The following PCNX1 variants were observed in gnomAD, a reference collection of about 807,000 sequenced individuals.
PCNX1 encodes pecanex-like protein 1.
A neutral mutation model predicts 242.2 loss-of-function variants in PCNX1; 78 were observed. The observed-to-expected ratio is 0.32, with a 90% CI of 0.27 to 0.39. The LOEUF (loss-of-function observed/expected upper bound fraction) is 0.39, where lower values mean the gene tolerates loss of function less well. Among genes scored for constraint, PCNX1 ranks in the 10% least tolerant of loss-of-function variants. The pLI, the probability that PCNX1 is intolerant of heterozygous loss-of-function variation, is 1.00. For missense variants in PCNX1, 2,581 were observed against 2,856.5 expected (o/e 0.90, Z 2.20); for synonymous variants, 1,024 against 1,032.9 (o/e 0.99, Z 0.17).
intron 14 of PCNX1, 67 bp from the exon 15 acceptor site, chr14:71,026,705 C>A (rs564292389): frequency 1.5e-4 from 95 of 639,900 alleles, no homozygotes; most frequent in Non-Finnish European, 2.3e-4. Flanking sequence ...AAAATTATGA[C>A]CTCTCAGTGG....
chr14:71,052,329 T>G (rs2141190638), intron 24 of PCNX1, among the ~76,000 whole-genome samples: 1 of 152,100 alleles, frequency 6.6e-6, no homozygotes, highest in East Asian at 1.9e-4. Flanking sequence ...TCCTCCTGCC[T>G]CAGCCTCCTG....
intron 3 of PCNX1, 68 bp from the exon 4 acceptor site, chr14:70,968,130 T>C (rs549111793): frequency 6.9e-6 from 7 of 1,021,548 alleles, no homozygotes; most frequent in Admixed American, 1.8e-5. Flanking sequence ...ATAATCTTGC[T>C]AGTGTGTATT....
At chr14:71,044,945 C>T (rs1043565138) in intron 19 of PCNX1, among the ~76,000 whole-genome samples, 188 bp from the exon 20 acceptor site, 1 of 152,188 alleles carries the variant, frequency 6.6e-6, no homozygotes, top group Non-Finnish European at 1.5e-5. Flanking sequence ...TGAATAGTCA[C>T]TAACTTTCAA....
intron 8 of PCNX1, among the ~76,000 whole-genome samples, chr14:71,008,077 CA>C (rs1004332021): frequency 1.3e-5 from 2 of 149,128 alleles, no homozygotes; most frequent in African/African-American, 2.5e-5. Flanking sequence ...TATTATTCGA[CA>C]AAAAAAAATG....
intron 2 of PCNX1, among the ~76,000 whole-genome samples, chr14:70,955,601 A>G (rs576996965): frequency 3.3e-5 from 5 of 152,312 alleles, no homozygotes; most frequent in South Asian, 4.1e-4. Context: ...AAGTTAAGGC[A>G]TAAAGGTAGA....
intron 6 of PCNX1, among the ~76,000 whole-genome samples, chr14:70,982,655 C>A (rs559144685): frequency 7.9e-5 from 12 of 152,262 alleles, no homozygotes; most frequent in African/African-American, 2.6e-4. Context: ...AAATTATCTT[C>A]CTTTACAACA....
At chr14:71,053,529 G>GTT (rs2061098843) in intron 24 of PCNX1, 1 of 310,544 alleles carries the variant, frequency 3.2e-6, no homozygotes, top group Non-Finnish European at 6.3e-6. Flanking sequence ...TGTTGACCAG[G>GTT]CTGGTCTTGA....
chr14:70,967,840 C>T (rs894713084), intron 3 of PCNX1, among the ~76,000 whole-genome samples: 1 of 152,050 alleles, frequency 6.6e-6, no homozygotes, highest in African/African-American at 2.4e-5. Flanking sequence ...AGACATAAAG[C>T]CTGGTTTTGC....
chr14:71,102,458 G>T (rs2141833498), intron 31 of PCNX1, among the ~76,000 whole-genome samples: 1 of 152,022 alleles, frequency 6.6e-6, no homozygotes, highest in East Asian at 1.9e-4. Context: ...TAGAGACAGG[G>T]TTTTGCAATG....
intron 30 of PCNX1, among the ~76,000 whole-genome samples, chr14:71,092,121 C>T (rs934928261): frequency 1.3e-5 from 2 of 152,108 alleles, no homozygotes; most frequent in South Asian, 4.1e-4. Context: ...TGATATGTGC[C>T]GTAGATTGAG....
intron 12 of PCNX1, among the ~76,000 whole-genome samples, chr14:71,022,356 T>C (rs2060126900): frequency 6.6e-6 from 1 of 152,156 alleles, no homozygotes; most frequent in Non-Finnish European, 1.5e-5. Context: ...TGACAGATTT[T>C]TGCAACTAGT....
intron 26 of PCNX1, among the ~76,000 whole-genome samples, chr14:71,068,446 G>C (rs2061505095): frequency 6.7e-6 from 1 of 148,462 alleles, no homozygotes; most frequent in Non-Finnish European, 1.5e-5. Context: ...GTATGTATAT[G>C]TATATATGTG....
intron 21 of PCNX1, among the ~76,000 whole-genome samples, chr14:71,047,594 A>G (rs1244693894): frequency 6.6e-6 from 1 of 152,180 alleles, no homozygotes; most frequent in African/African-American, 2.4e-5. Context: ...AGTCCTTCAT[A>G]TAAAGGATAA....
intron 8 of PCNX1, among the ~76,000 whole-genome samples, chr14:71,005,044 TG>T (rs1375137374): frequency 6.6e-6 from 1 of 152,110 alleles, no homozygotes; most frequent in East Asian, 1.9e-4. Flanking sequence ...AAGGGAAGGT[TG>T]GGGGAGGTAG....
chr14:71,075,585 A>C (rs1026763303), intron 27 of PCNX1, among the ~76,000 whole-genome samples: 1 of 152,096 alleles, frequency 6.6e-6, no homozygotes, highest in African/African-American at 2.4e-5. Flanking sequence ...AAATATCCTA[A>C]GTTCAAAATC....
chr14:70,949,265 G>GTGTACACACA (rs2057648540), intron 2 of PCNX1, among the ~76,000 whole-genome samples: 5 of 23,386 alleles, frequency 2.1e-4, no homozygotes, highest in Admixed American at 3.5e-4. Flanking sequence ...ACACACACGT[G>GTGTACACACA]TATGCACACA....
intron 26 of PCNX1, among the ~76,000 whole-genome samples, chr14:71,059,599 C>A (rs2061272905): frequency 6.6e-6 from 1 of 152,000 alleles, no homozygotes; most frequent in Non-Finnish European, 1.5e-5. Context: ...CACCACCTTG[C>A]CAAGGCTGGT....
At chr14:71,065,118 C>T (rs528356256) in intron 26 of PCNX1, among the ~76,000 whole-genome samples, 3 of 152,264 alleles carry the variant, frequency 2.0e-5, no homozygotes, top group Non-Finnish European at 4.4e-5. Flanking sequence ...ACTTATAATC[C>T]TTTGGGTATA....
intron 26 of PCNX1, among the ~76,000 whole-genome samples, chr14:71,068,097 C>A (rs1046081214): frequency 6.6e-6 from 1 of 151,848 alleles, no homozygotes; most frequent in Non-Finnish European, 1.5e-5. Flanking sequence ...GAGGCCTAGG[C>A]GGGTGGATCA....
Sources: allele counts gnomAD v4.1 joint callset (sites outside exome capture counted in the v4.1 genomes callset), GRCh38; gene constraint gnomAD v4.1.1; transcripts MANE v1.5; gene names NCBI Gene and HGNC (gene_info 2026-07-23, HGNC 2026-07-21).